The following TTC29 variants were observed in gnomAD, a reference collection of about 807,000 sequenced individuals.
The protein encoded by TTC29 is tetratricopeptide repeat protein 29.
In TTC29, 49 loss-of-function variants were observed where a neutral mutation model predicts 58.1. The observed-to-expected ratio is 0.84, with a 90% CI of 0.67 to 1.07. TTC29 has a LOEUF of 1.07. TTC29 is among the 50% of genes least tolerant of loss of function. The pLI is 0.00. For synonymous variants in TTC29, 209 were observed against 196.8 expected, an observed-to-expected ratio of 1.06 and a Z score of -0.52; for missense variants, 582 against 555.6, an observed-to-expected ratio of 1.05 and a Z score of -0.48.
At chr4:146,820,742 A>G (rs1751757773) in intron 9 of TTC29, among the ~76,000 whole-genome samples, 1 of 152,226 alleles carries the variant, frequency 6.6e-6, no homozygotes, top group Non-Finnish European at 1.5e-5. Context: ...CTTAAAAAAG[A>G]ATGAGGTAGG....
At chr4:146,765,942 T>C (rs1747284474) in intron 11 of TTC29, among the ~76,000 whole-genome samples, 1 of 152,094 alleles carries the variant, frequency 6.6e-6, no homozygotes, top group South Asian at 2.1e-4. Context: ...GCCTCTGCCA[T>C]AAACACATAT....
intron 6 of TTC29, among the ~76,000 whole-genome samples, chr4:146,889,671 T>C (rs1017463407): frequency 6.6e-6 from 1 of 152,166 alleles, no homozygotes; most frequent in African/African-American, 2.4e-5. Flanking sequence ...TGTTATTCCA[T>C]GACAAATAAG....
intron 11 of TTC29, among the ~76,000 whole-genome samples, chr4:146,801,016 G>T (rs773782060): frequency 6.6e-6 from 1 of 152,096 alleles, no homozygotes; most frequent in Non-Finnish European, 1.5e-5. Flanking sequence ...TAGCAAAACG[G>T]GCAAGATTTT....
At chr4:146,807,546 G>T (rs1425625661) in intron 10 of TTC29, among the ~76,000 whole-genome samples, 2 of 152,140 alleles carry the variant, frequency 1.3e-5, no homozygotes, top group African/African-American at 4.8e-5. Context: ...AACAAAAAAT[G>T]ATAAAGGGGA....
At chr4:146,871,294 G>T (rs984866324) in intron 7 of TTC29, among the ~76,000 whole-genome samples, 1 of 151,824 alleles carries the variant, frequency 6.6e-6, no homozygotes, top group Non-Finnish European at 1.5e-5. Flanking sequence ...CCCCTTTCAT[G>T]TTAAAAACCC....
At chr4:146,880,548 G>T (rs781318083) in intron 6 of TTC29, among the ~76,000 whole-genome samples, 1 of 152,092 alleles carries the variant, frequency 6.6e-6, no homozygotes, top group African/African-American at 2.4e-5. Context: ...TATCCAAATT[G>T]TTGCTTACCC....
intron 6 of TTC29, among the ~76,000 whole-genome samples, chr4:146,882,096 T>C (rs957773498): frequency 4.6e-5 from 7 of 152,096 alleles, no homozygotes; most frequent in Non-Finnish European, 7.4e-5. Context: ...CAGGGTTTTA[T>C]TACTGATGAT....
At chr4:146,885,212 C>A (rs1228663149) in intron 6 of TTC29, among the ~76,000 whole-genome samples, 1 of 151,448 alleles carries the variant, frequency 6.6e-6, no homozygotes, top group African/African-American at 2.4e-5. Flanking sequence ...CCCAAAATAA[C>A]AAAAGATTTT....
intron 3 of TTC29, among the ~76,000 whole-genome samples, chr4:146,938,834 C>T (rs1045453077): frequency 6.6e-6 from 1 of 152,064 alleles, no homozygotes; most frequent in African/African-American, 2.4e-5. Context: ...AGAAAATAAA[C>T]CTACGTATGC....
intron 10 of TTC29, among the ~76,000 whole-genome samples, chr4:146,809,042 T>C (rs901227575): frequency 1.4e-5 from 2 of 144,174 alleles, no homozygotes; most frequent in African/African-American, 2.5e-5. Flanking sequence ...AACAGAGATA[T>C]AGATCAATGG....
intron 11 of TTC29, among the ~76,000 whole-genome samples, chr4:146,787,873 G>A (rs896228277): frequency 1.2e-4 from 18 of 147,634 alleles, no homozygotes; most frequent in East Asian, 6.0e-4. Flanking sequence ...TCCTCCTGTC[G>A]GTCACCAGCT....
intron 4 of TTC29, among the ~76,000 whole-genome samples, chr4:146,937,276 CTTT>C (rs1248154026): frequency 6.6e-6 from 1 of 151,848 alleles, no homozygotes; most frequent in Non-Finnish European, 1.5e-5. Flanking sequence ...TTTCTTAAAG[CTTT>C]TTTCTTTCCC....
At chr4:146,859,627 A>G (rs975829124) in intron 8 of TTC29, among the ~76,000 whole-genome samples, 1 of 152,056 alleles carries the variant, frequency 6.6e-6, no homozygotes, top group African/African-American at 2.4e-5. Context: ...TAGAGATAAG[A>G]CTGCTGAAAG....
intron 10 of TTC29, among the ~76,000 whole-genome samples, chr4:146,812,410 A>G (rs1367204318): frequency 1.3e-5 from 2 of 152,220 alleles, no homozygotes; most frequent in Non-Finnish European, 2.9e-5. Flanking sequence ...TAACTCATTC[A>G]TTCATTTGGC....
chr4:146,781,313 G>A (rs1748583077), intron 11 of TTC29, among the ~76,000 whole-genome samples: 1 of 151,816 alleles, frequency 6.6e-6, no homozygotes, highest in South Asian at 2.1e-4. Context: ...TATTTAGATT[G>A]CATCATATTG....
Position 146,715,285 on chromosome 4 carries a change from A to C in TTC29, c.1331-7734T>G, listed in dbSNP as rs1322038731. 2.0e-5 allele frequency among the ~76,000 whole-genome samples: 3 copies of C among 152,176 alleles called. No homozygotes were observed. In the South Asian group the frequency reaches 6.2e-4, roughly 32 times the overall value. On this transcript the variant is annotated intron_variant, in intron 11 of 12. Coordinates refer to ENST00000325106, the MANE Select transcript of TTC29 (RefSeq NM_031956.4). ...GTATTTATAAAAAGGAAATAAAATAAATACATTAAAGGGATACCTGCACGT... is the reference window on the plus strand; with the variant it reads ...GTATTTATAAAAAGGAAATAAAATACATACATTAAAGGGATACCTGCACGT...
chr4:146,918,074 C>G (rs1275822938), intron 4 of TTC29, among the ~76,000 whole-genome samples: 1 of 150,824 alleles, frequency 6.6e-6, no homozygotes, highest in Non-Finnish European at 1.5e-5. Context: ...ATGTGATTAT[C>G]AAAACAGTTA....
chr4:146,861,046 G>A (rs1730200846), intron 8 of TTC29, among the ~76,000 whole-genome samples: 1 of 152,028 alleles, frequency 6.6e-6, no homozygotes, highest in South Asian at 2.1e-4. Flanking sequence ...TTAAATTATT[G>A]CAAAATAATA....
At chr4:146,913,011 T>C (rs1367466821) in intron 4 of TTC29, among the ~76,000 whole-genome samples, 1 of 152,034 alleles carries the variant, frequency 6.6e-6, no homozygotes, top group African/African-American at 2.4e-5. Context: ...TGGGGAAAGA[T>C]AATGAGTTAA....
Sources: allele counts gnomAD v4.1 joint callset (sites outside exome capture counted in the v4.1 genomes callset), GRCh38; gene constraint gnomAD v4.1.1; transcripts MANE v1.5; gene names NCBI Gene and HGNC (gene_info 2026-07-23, HGNC 2026-07-21).